MAGI2: variants seen among roughly 807,000 people sequenced by gnomAD.
The protein encoded by MAGI2 is membrane associated guanylate kinase, WW and PDZ domain containing 2, also known as membrane-associated guanylate kinase, WW and PDZ domain-containing protein 2.
Under a neutral mutation model 133.3 loss-of-function variants are expected in MAGI2, and 35 were observed. That is an observed-to-expected ratio of 0.26 (90% CI 0.20 to 0.35). The LOEUF is 0.35. Among genes scored for constraint, MAGI2 ranks in the 10% least tolerant of loss-of-function variants. The pLI is 1.00. For missense variants in MAGI2, 1,636 were observed against 1,863.4 expected (o/e 0.88, Z 2.25); for synonymous variants, 729 against 710.6 (o/e 1.03, Z -0.41).
At chr7:78,820,721 G>A (rs1790021799) in intron 2 of MAGI2, among the ~76,000 whole-genome samples, 1 of 151,844 alleles carries the variant, frequency 6.6e-6, no homozygotes, top group South Asian at 2.1e-4. Flanking sequence ...TATTTCTTCT[G>A]TTTTCAATGA....
At chr7:79,315,926 C>T (rs745321034) in intron 1 of MAGI2, among the ~76,000 whole-genome samples, 10 of 152,090 alleles carry the variant, frequency 6.6e-5, no homozygotes, top group Non-Finnish European at 1.5e-4. Context: ...TTGGACCATT[C>T]CAGTGTAGGA....
At chr7:78,488,802 G>A (rs67538077) in intron 6 of MAGI2, among the ~76,000 whole-genome samples, 17,087 of 151,956 alleles carry the variant, frequency 0.11, 1,152 homozygotes, top group African/African-American at 0.18. Flanking sequence ...ATAGGAATGT[G>A]GACAGTATCT....
At chr7:78,727,716 A>G (rs575710585) in intron 2 of MAGI2, among the ~76,000 whole-genome samples, 41 of 152,360 alleles carry the variant, frequency 2.7e-4, no homozygotes, top group Admixed American at 2.4e-3. Context: ...TTGACAGCTA[A>G]TCACATCAGG....
chr7:78,436,724 T>C (rs925197968), intron 6 of MAGI2, among the ~76,000 whole-genome samples: 1 of 152,162 alleles, frequency 6.6e-6, no homozygotes, highest in Non-Finnish European at 1.5e-5. Context: ...ACCCTCTCTA[T>C]ATGCAACACC....
intron 20 of MAGI2, among the ~76,000 whole-genome samples, chr7:78,117,714 A>C (rs983324211): frequency 1.3e-5 from 2 of 152,188 alleles, no homozygotes; most frequent in African/African-American, 2.4e-5. Flanking sequence ...AGGGAAAAAA[A>C]CCTCAAAACT....
At chr7:78,869,744 T>C (rs1371483994) in intron 2 of MAGI2, among the ~76,000 whole-genome samples, 6 of 152,136 alleles carry the variant, frequency 3.9e-5, no homozygotes, top group Non-Finnish European at 7.3e-5. Context: ...AAGGCAGAAA[T>C]CTGCTCCTAT....
At chr7:79,235,380 C>A (rs1831814780) in intron 1 of MAGI2, among the ~76,000 whole-genome samples, 1 of 151,998 alleles carries the variant, frequency 6.6e-6, no homozygotes, top group Non-Finnish European at 1.5e-5. Flanking sequence ...ATGGCGGGCG[C>A]CCCTCCCCCA....
At chr7:78,658,846 T>C (rs962477176) in intron 2 of MAGI2, among the ~76,000 whole-genome samples, 1 of 152,184 alleles carries the variant, frequency 6.6e-6, no homozygotes, top group Non-Finnish European at 1.5e-5. Flanking sequence ...ACTCATAGAT[T>C]AGTCGTGGGA....
At chr7:78,793,788 T>C (rs939389611) in intron 2 of MAGI2, among the ~76,000 whole-genome samples, 1 of 151,986 alleles carries the variant, frequency 6.6e-6, no homozygotes, top group Non-Finnish European at 1.5e-5. Context: ...GTTCAAAGAG[T>C]CTGTAAAGCC....
chr7:78,329,090 TA>T lies in MAGI2; in HGVS notation c.1408+14687del, dbSNP rs527489976. 6.6e-4 allele frequency among the ~76,000 whole-genome samples: 100 copies of T among 152,316 alleles called. 3 individuals carry two copies. In the South Asian group the frequency reaches 0.02, roughly 31 times the overall value. ...AGAGTTTGATTTTCCAGCAAAGTAG[TA>T]AGTTAGATGATGACACTCAAGATTT... On this transcript the variant is annotated intron_variant, in intron 9 of 21. Transcript: ENST00000354212.
intron 21 of MAGI2, among the ~76,000 whole-genome samples, chr7:78,036,626 G>GTT (rs34129015): frequency 1.7e-4 from 26 of 150,096 alleles, no homozygotes; most frequent in Non-Finnish European, 1.6e-4. Context: ...TAACTTTTTA[G>GTT]TTTTTTTTTT....
intron 6 of MAGI2, among the ~76,000 whole-genome samples, chr7:78,481,654 G>A (rs1027237556): frequency 1.3e-5 from 2 of 151,766 alleles, no homozygotes; most frequent in African/African-American, 4.8e-5. Context: ...ACAATTCCAT[G>A]GAAGAAGAAT....
At chr7:78,932,996 G>A (rs1741345302) in intron 2 of MAGI2, among the ~76,000 whole-genome samples, 1 of 152,076 alleles carries the variant, frequency 6.6e-6, no homozygotes, top group Admixed American at 6.6e-5. Flanking sequence ...GTTGTGACAG[G>A]CAAATCTTGC....
Position 78,773,784 on chromosome 7 carries a change from C to T in MAGI2, c.419-146545G>A, listed in dbSNP as rs560401660. ...GAACACGAACAAACCTAAAGGGCTG[C>T]GAGTGATCTTAAATGTTCTGCCAAG... On this transcript the variant is annotated intron_variant, in intron 2 of 21. Coordinates refer to ENST00000354212, the MANE Select transcript of MAGI2 (RefSeq NM_012301.4). Among the ~76,000 whole-genome samples the T allele has an allele frequency of 7.2e-5, 11 of 152,206 alleles. 1 individual carries two copies. In the South Asian group the frequency reaches 1.7e-3, roughly 23 times the overall value.
intron 2 of MAGI2, among the ~76,000 whole-genome samples, chr7:78,835,345 T>G (rs1183472001): frequency 6.6e-6 from 1 of 152,184 alleles, no homozygotes; most frequent in Non-Finnish European, 1.5e-5. Context: ...AATTACATAA[T>G]TCTATAAGAG....
At chr7:78,493,423 C>T (rs995233620) in intron 5 of MAGI2, among the ~76,000 whole-genome samples, 2 of 152,160 alleles carry the variant, frequency 1.3e-5, no homozygotes, top group African/African-American at 4.8e-5. Flanking sequence ...TCTACTGTGT[C>T]AGGGAAAGCA....
In MAGI2 at chr7:79,038,216, G is replaced by T. The variant is rs187584017; in HGVS notation, c.302-31010C>A. ...CAGTCTCATCAACTATGTGGTTAGG[G>T]TTTTTACAAGAAAGTCAGGTAAAAT... On this transcript the variant is annotated intron_variant, in intron 1 of 21. Transcript: ENST00000354212. Among the ~76,000 whole-genome samples, 1,345 of 152,258 alleles carry T rather than the reference G, an allele frequency of 8.8e-3. 11 individuals are homozygous for T. Among genetic ancestry groups the T allele is most frequent in the Non-Finnish European group, 0.015 (1,034 of 68,006 alleles).
chr7:78,385,464 T>C (rs887753296), intron 6 of MAGI2, among the ~76,000 whole-genome samples: 2 of 152,202 alleles, frequency 1.3e-5, no homozygotes, highest in African/African-American at 4.8e-5. Flanking sequence ...CATGAAAGGA[T>C]GACTATTTAG....
chr7:79,432,407 T>C (rs1484708135), intron 1 of MAGI2, among the ~76,000 whole-genome samples: 1 of 152,202 alleles, frequency 6.6e-6, no homozygotes, highest in African/African-American at 2.4e-5. Flanking sequence ...AGAGTTCTTG[T>C]AGAATATGAC....
Sources: gnomAD v4.1 joint callset for allele counts (sites outside exome capture counted in the v4.1 genomes callset) on GRCh38, gnomAD v4.1.1 for gene constraint, MANE v1.5 for transcripts, NCBI Gene and HGNC (gene_info 2026-07-23, HGNC 2026-07-21) for gene names.